Variants in BAZ2B observed in about 807,000 individuals in gnomAD.
BAZ2B encodes bromodomain adjacent to zinc finger domain protein 2B.
Under a neutral mutation model 246.0 loss-of-function variants are expected in BAZ2B, and 91 were observed. That is an observed-to-expected ratio of 0.37 (90% confidence interval 0.31 to 0.44). BAZ2B has a LOEUF of 0.44. Among genes scored for constraint, BAZ2B ranks in the 20% least tolerant of loss-of-function variants. BAZ2B has a pLI of 1.00. For missense variants in BAZ2B, 2,332 were observed against 2,533.7 expected, an observed-to-expected ratio of 0.92 and a Z score of 1.71; for synonymous variants, 855 against 860.0, an observed-to-expected ratio of 0.99 and a Z score of 0.10.
At chr2:159,476,282 A>G (rs2078539929) in intron 3 of BAZ2B, among the ~76,000 whole-genome samples, 1 of 152,170 alleles carries the variant, frequency 6.6e-6, no homozygotes, top group African/African-American at 2.4e-5. Flanking sequence ...TTTTACCTAC[A>G]AAATGAAAAA....
chr2:159,382,153 G>T (rs1038532264), intron 25 of BAZ2B, among the ~76,000 whole-genome samples: 1 of 152,122 alleles, frequency 6.6e-6, no homozygotes, highest in Non-Finnish European at 1.5e-5. Flanking sequence ...TAGAGAAATA[G>T]TAATTGGTGT....
chr2:159,523,729 A>T (rs2084404936), intron 2 of BAZ2B, among the ~76,000 whole-genome samples: 1 of 151,968 alleles, frequency 6.6e-6, no homozygotes, highest in South Asian at 2.1e-4. Context: ...AAATGCAGAA[A>T]CTCAGGCCCC....
At chr2:159,631,252 A>T in the BAZ2B span, among the ~76,000 whole-genome samples, 2 of 152,212 alleles carry the variant, frequency 1.3e-5, no homozygotes, top group Non-Finnish European at 2.9e-5. Context: ...TGTTTTTGGG[A>T]AATTAATTTT....
In BAZ2B at chr2:159,467,425, C is replaced by G. The variant is rs1444711579; in HGVS notation, c.145+11150G>C. 4.6e-5 allele frequency among the ~76,000 whole-genome samples: 7 copies of G among 152,096 alleles called. 1 individual carries two copies. The highest frequency in any genetic ancestry group is 4.6e-4 in the Admixed American group (7 of 15,284). On this transcript the variant is annotated intron_variant, in intron 3 of 36. Transcript: ENST00000392783. ...GCCTCCCTCAGACGGGCCTTTCCCC[C>G]CCAGGTTTCTGGAGCAGGAAGCTGC... is the stretch of plus-strand genomic sequence containing the variant.
At chr2:159,616,783 G>A, upstream of BAZ2B, 1 of 152,078 alleles carries the variant, frequency 6.6e-6, no homozygotes, top group East Asian at 1.9e-4. Context: ...AAAATGTTTT[G>A]TTTTGCTTTT....
At chr2:159,363,785 T>C (rs1477270295) in intron 27 of BAZ2B, among the ~76,000 whole-genome samples, 1 of 152,110 alleles carries the variant, frequency 6.6e-6, no homozygotes, top group Non-Finnish European at 1.5e-5. Context: ...AAAAGGGACA[T>C]GTGAGATGAA....
At chr2:159,322,363 T>C (rs34981380) in intron 36 of BAZ2B, among the ~76,000 whole-genome samples, 53,776 of 152,072 alleles carry the variant, frequency 0.35, 12,412 homozygotes, top group Non-Finnish European at 0.53. Context: ...TAAAACACTG[T>C]CATCACCCTG....
At chr2:159,571,990 A>G (rs1161440541) in intron 1 of BAZ2B, among the ~76,000 whole-genome samples, 2 of 152,184 alleles carry the variant, frequency 1.3e-5, no homozygotes, top group Non-Finnish European at 2.9e-5. Flanking sequence ...TTTCAACATG[A>G]TTTTTGGAAG....
chr2:159,373,166 C>A lies in BAZ2B; in HGVS notation c.4092G>T (p.Lys1364Asn), dbSNP rs2061036041. The A allele has an allele frequency of 1.2e-6, 2 of 1,613,708 alleles. No homozygotes were observed. The highest frequency in any genetic ancestry group is 2.2e-5 in the South Asian group (2 of 91,024). ...LSKQQSQYRR[K>N]LFDASHSLRS... Reference sequence around the variant, plus strand: ...GCAATGAGTGAGACGCATCAAAGAGCTTCCTTCTGTACTGACTCTGTTGCT... The same window carrying A: ...GCAATGAGTGAGACGCATCAAAGAGATTCCTTCTGTACTGACTCTGTTGCT... The change falls in exon 27 of 37, where the codon AAG (lysine) becomes AAT (asparagine). Residue 1364 changes from lysine (K) to asparagine (N), a missense_variant. By Grantham distance (94) the Lys-to-Asn change is moderately conservative. Coordinates refer to ENST00000392783, the MANE Select transcript of BAZ2B (RefSeq NM_013450.4).
chr2:159,632,519 T>C, the BAZ2B span, among the ~76,000 whole-genome samples: 1 of 152,236 alleles, frequency 6.6e-6, no homozygotes, highest in Non-Finnish European at 1.5e-5. Flanking sequence ...TTGAGGTTAT[T>C]TATCTCTATT....
chr2:159,459,794 A>G (rs1211112215), intron 3 of BAZ2B: 3 of 152,130 alleles, frequency 2.0e-5, no homozygotes, highest in African/African-American at 7.2e-5. Context: ...CTTTTAGAAA[A>G]GAAAATGTTT....
intron 34 of BAZ2B, among the ~76,000 whole-genome samples, chr2:159,327,207 A>G (rs1352849438): frequency 1.3e-5 from 2 of 152,130 alleles, no homozygotes; most frequent in Non-Finnish European, 2.9e-5. Flanking sequence ...GTGAGCCACC[A>G]TGCCTGGCTA....
At chr2:159,556,785 T>C (rs920758685) in intron 1 of BAZ2B, among the ~76,000 whole-genome samples, 4 of 152,040 alleles carry the variant, frequency 2.6e-5, no homozygotes, top group African/African-American at 9.7e-5. Flanking sequence ...ATTAACAAGG[T>C]CTAATTTGAG....
intron 14 of BAZ2B, 42 bp downstream of exon 14, chr2:159,412,293 T>G (rs780375781): frequency 3.2e-5 from 51 of 1,577,172 alleles, no homozygotes; most frequent in Non-Finnish European, 4.3e-5. Context: ...TTAGTATACT[T>G]TTTAGTATGA....
At chr2:159,416,387 C>A (rs2067716256) in intron 13 of BAZ2B, among the ~76,000 whole-genome samples, 1 of 152,136 alleles carries the variant, frequency 6.6e-6, no homozygotes. Flanking sequence ...GTTATGTTCA[C>A]CAGCATGGGA....
intron 3 of BAZ2B, chr2:159,462,102 TTAAAC>T: frequency 3.9e-6 from 1 of 258,562 alleles, no homozygotes; most frequent in South Asian, 4.9e-5. Flanking sequence ...GGAAACTTTT[TTAAAC>T]AGTAAAATGT....
intron 1 of BAZ2B, among the ~76,000 whole-genome samples, chr2:159,586,339 T>C (rs928065205): frequency 1.2e-4 from 19 of 152,286 alleles, no homozygotes; most frequent in African/African-American, 4.1e-4. Flanking sequence ...TGATTTTTTG[T>C]AGGGAAAGTG....
chr2:159,660,853 C>G, the BAZ2B span, among the ~76,000 whole-genome samples: 1 of 152,148 alleles, frequency 6.6e-6, no homozygotes, highest in African/African-American at 2.4e-5. Flanking sequence ...CCACCTCGGC[C>G]TCCCAAAGTG....
intron 2 of BAZ2B, among the ~76,000 whole-genome samples, chr2:159,527,240 C>T (rs1370946765): frequency 1.3e-5 from 2 of 152,064 alleles, no homozygotes; most frequent in Non-Finnish European, 2.9e-5. Flanking sequence ...ATGTGTTCAG[C>T]TGACATCCGT....
Sources: gnomAD v4.1 joint callset for allele counts (sites outside exome capture counted in the v4.1 genomes callset) on GRCh38, gnomAD v4.1.1 for gene constraint, MANE v1.5 for transcripts, NCBI Gene and HGNC (gene_info 2026-07-23, HGNC 2026-07-21) for gene names.